ATP9B: variants seen among roughly 807,000 people sequenced by gnomAD.
The protein encoded by ATP9B is ATPase phospholipid transporting 9B.
Under a neutral mutation model 146.1 loss-of-function variants are expected in ATP9B, and 110 were observed. The observed-to-expected ratio is 0.75, with a 90% CI of 0.65 to 0.88. The LOEUF is 0.88. ATP9B is among the 40% of genes least tolerant of loss of function. ATP9B has a pLI of 0.00. For synonymous variants in ATP9B, 604 were observed against 569.7 expected, an observed-to-expected ratio of 1.06 and a Z score of -0.86; for missense variants, 1,499 against 1,496.4, an observed-to-expected ratio of 1.00 and a Z score of -0.03.
intron 11 of ATP9B, among the ~76,000 whole-genome samples, chr18:79,224,166 A>G (rs2095707223): frequency 6.6e-6 from 1 of 152,226 alleles, no homozygotes; most frequent in Admixed American, 6.5e-5. Flanking sequence ...AGTGTAATTT[A>G]TTCAAGAAGC....
At chr18:79,307,323 T>A (rs1391344519) in intron 15 of ATP9B, 89 bp downstream of exon 15, 1 of 1,563,590 alleles carries the variant, frequency 6.4e-7, no homozygotes, top group African/African-American at 1.4e-5. Flanking sequence ...ATGGGGAATA[T>A]AGAGGAGCAG....
intron 5 of ATP9B, among the ~76,000 whole-genome samples, chr18:79,138,701 G>T (rs773124383): frequency 7.3e-5 from 11 of 151,720 alleles, no homozygotes; most frequent in Non-Finnish European, 1.6e-4. Context: ...CACTTTAATG[G>T]ATGGATATTA....
chr18:79,122,792 T>C (rs2094211684), intron 4 of ATP9B, among the ~76,000 whole-genome samples: 3 of 152,206 alleles, frequency 2.0e-5, no homozygotes, highest in Admixed American at 1.3e-4. Flanking sequence ...ATATTCAAGT[T>C]CTTCTTTGTC....
At chr18:79,071,049 C>CTTTTTTCTTTTTTTTTTTTTTTT (rs1555723402) in intron 1 of ATP9B, among the ~76,000 whole-genome samples, 14 of 112,364 alleles carry the variant, frequency 1.2e-4, no homozygotes, top group Admixed American at 1.8e-4. Context: ...ATTCCTGTTT[C>CTTTTTTCTTTTTTTTTTTTTTTT]TTTTTTTTTT....
chr18:79,367,886 C>T (rs1372909972), intron 26 of ATP9B, among the ~76,000 whole-genome samples: 3 of 152,232 alleles, frequency 2.0e-5, no homozygotes, highest in Non-Finnish European at 4.4e-5. Context: ...TCATTAAGGA[C>T]GGGGAGACAG....
At chr18:79,094,657 A>G (rs1407537154) in intron 1 of ATP9B, among the ~76,000 whole-genome samples, 1 of 152,232 alleles carries the variant, frequency 6.6e-6, no homozygotes, top group Non-Finnish European at 1.5e-5. Flanking sequence ...GGCTGTGGCT[A>G]GAAAGGGTGG....
chr18:79,234,102 TGG>T (rs1240332735), intron 11 of ATP9B, among the ~76,000 whole-genome samples: 1 of 151,644 alleles, frequency 6.6e-6, no homozygotes, highest in East Asian at 1.9e-4. Flanking sequence ...AAAACAAGAG[TGG>T]ATACATCAAT....
chr18:79,200,402 A>G (rs1438652774), intron 9 of ATP9B, among the ~76,000 whole-genome samples: 2 of 152,244 alleles, frequency 1.3e-5, no homozygotes, highest in African/African-American at 2.4e-5. Context: ...ACAAATGAGT[A>G]GGGAGAAAAT....
In ATP9B at chr18:79,372,819, C is replaced by T. The variant is rs781075881; in HGVS notation, c.3013-6C>T. On this transcript the variant is annotated splice_polypyrimidine_tract_variant and splice_region_variant and intron_variant, in intron 26 of 29. Coordinates refer to ENST00000426216, the MANE Select transcript of ATP9B (RefSeq NM_198531.5). ...CACTAACGACGCTCTTCCACTGTTT[C>T]CCTAGGGAAGATCCTTGTCCTTCAA... 3.2e-5 allele frequency: 52 copies of T among 1,603,410 alleles called. No homozygotes were observed. The highest frequency in any genetic ancestry group is 4.4e-5 in the Non-Finnish European group (52 of 1,170,436).
At chr18:79,244,635 A>G (rs1452430608) in intron 11 of ATP9B, among the ~76,000 whole-genome samples, 1 of 152,190 alleles carries the variant, frequency 6.6e-6, no homozygotes, top group Non-Finnish European at 1.5e-5. Context: ...TGTAAATTAT[A>G]CTGTAATGAA....
chr18:79,135,207 A>C (rs988957795), intron 5 of ATP9B, among the ~76,000 whole-genome samples: 9 of 152,190 alleles, frequency 5.9e-5, no homozygotes, highest in African/African-American at 2.2e-4. Context: ...CACCAGAGCT[A>C]ATCTCAAGAT....
At chr18:79,166,147 T>A (rs1281515196) in intron 7 of ATP9B, among the ~76,000 whole-genome samples, 1 of 152,154 alleles carries the variant, frequency 6.6e-6, no homozygotes, top group Non-Finnish European at 1.5e-5. Context: ...ACAGACTTTG[T>A]TTGAAAAATA....
intron 6 of ATP9B, 24 bp downstream of exon 6, chr18:79,143,884 T>C (rs2094544925): frequency 6.9e-7 from 1 of 1,452,044 alleles, no homozygotes; most frequent in Non-Finnish European, 9.4e-7. Flanking sequence ...TAATATATTT[T>C]AGACCTATGT....
At chr18:79,240,206 A>C (rs1404091623) in intron 11 of ATP9B, among the ~76,000 whole-genome samples, 1 of 152,206 alleles carries the variant, frequency 6.6e-6, no homozygotes, top group Non-Finnish European at 1.5e-5. Flanking sequence ...TTGGATTACA[A>C]CATTAAATTA....
At position 79,347,049 on chromosome 18, in the gene ATP9B, A is replaced by G. The variant is rs375518444; in HGVS notation, c.2683-721A>G. ...TGCCCTAGGGCTCAGCTCAGATGTT[A>G]GCAGATCCCTCGGCGAGCCTTTCCA... is the stretch of plus-strand genomic sequence containing the variant. On this transcript the variant is annotated intron_variant, in intron 23 of 29. Transcript: ENST00000426216. Among the ~76,000 whole-genome samples the G allele has an allele frequency of 1.2e-4, 18 of 152,318 alleles. No individual in the cohort carries two copies. In the East Asian group the frequency reaches 3.1e-3, roughly 26 times the overall value.
intron 2 of ATP9B, among the ~76,000 whole-genome samples, chr18:79,103,246 T>C (rs1360645435): frequency 6.6e-6 from 1 of 150,776 alleles, no homozygotes; most frequent in African/African-American, 2.5e-5. Context: ...ATTACTTAAC[T>C]AAACCAAATA....
intron 13 of ATP9B, among the ~76,000 whole-genome samples, chr18:79,295,396 C>T (rs952448843): frequency 1.3e-5 from 2 of 152,092 alleles, no homozygotes; most frequent in Admixed American, 1.3e-4. Flanking sequence ...AGTTTCATAT[C>T]GAGAAAACTT....
intron 11 of ATP9B, among the ~76,000 whole-genome samples, chr18:79,250,779 T>C (rs1354622124): frequency 1.3e-5 from 2 of 152,168 alleles, no homozygotes; most frequent in Admixed American, 6.5e-5. Flanking sequence ...ACTTCAGAAC[T>C]GGTTGAGTAC....
At chr18:79,116,876 A>G (rs1255434813) in intron 4 of ATP9B, among the ~76,000 whole-genome samples, 4 of 122,344 alleles carry the variant, frequency 3.3e-5, no homozygotes, top group African/African-American at 9.6e-5. Flanking sequence ...TACATATGTA[A>G]CTAACCTGCA....
Sources: gnomAD v4.1 joint callset for allele counts (sites outside exome capture counted in the v4.1 genomes callset) on GRCh38, gnomAD v4.1.1 for gene constraint, MANE v1.5 for transcripts, NCBI Gene and HGNC (gene_info 2026-07-23, HGNC 2026-07-21) for gene names.